CCDC83: variants seen among roughly 807,000 people sequenced by gnomAD.
CCDC83 encodes coiled-coil domain-containing protein 83.
In CCDC83, 54 loss-of-function variants were observed where a neutral mutation model predicts 50.1. The ratio of observed to expected loss-of-function variants is 1.08; its 90% CI spans 0.87 to 1.35. CCDC83 has a LOEUF of 1.35. CCDC83 is among the 40% of genes most tolerant of loss of function. The pLI is 0.00. For synonymous variants in CCDC83, 161 were observed against 153.3 expected (o/e 1.05, Z -0.37); for missense variants, 518 against 473.9 (o/e 1.09, Z -0.86).
intron 5 of CCDC83, among the ~76,000 whole-genome samples, chr11:85,892,173 CA>C (rs2093353372): frequency 6.6e-6 from 1 of 152,134 alleles, no homozygotes; most frequent in African/African-American, 2.4e-5. Flanking sequence ...TGGAACAGTG[CA>C]AAGCAAACTT....
intron 1 of CCDC83, among the ~76,000 whole-genome samples, chr11:85,856,337 G>C (rs886075849): frequency 2.0e-5 from 3 of 152,072 alleles, no homozygotes; most frequent in Non-Finnish European, 4.4e-5. Flanking sequence ...ACTGCTATTT[G>C]AAGGTAGAAA....
At chr11:85,882,475 GT>G (rs1485960507) in intron 3 of CCDC83, 37 bp from the exon 4 acceptor site, 2 of 1,606,418 alleles carry the variant, frequency 1.2e-6, no homozygotes, top group South Asian at 2.2e-5. Context: ...AGTGTACATA[GT>G]TGATCAAACG....
In CCDC83 at chr11:85,897,184, T is replaced by A. The variant is rs144488774; in HGVS notation, c.604-1763T>A. On this transcript the variant is annotated intron_variant, in intron 6 of 10. Transcript: ENST00000342404. ...AATTTCAAGCATATATCGTGAGGAC[T>A]ATTCTAAATATTCTTTCAAGCATTA... 5.1e-3 allele frequency among the ~76,000 whole-genome samples: 782 copies of A among 152,292 alleles called. 6 individuals are homozygous for A. Among genetic ancestry groups the A allele is most frequent in the African/African-American group, 0.018 (738 of 41,538 alleles).
chr11:85,912,920 A>G lies in CCDC83; in HGVS notation c.794+1518A>G, dbSNP rs2093461612. Among the ~76,000 whole-genome samples, 8 of 152,182 alleles carry G rather than the reference A, an allele frequency of 5.3e-5. No individual in the cohort carries two copies. The South Asian group carries it at 1.7e-3, about 32-fold the overall frequency. On this transcript the variant is annotated intron_variant, in intron 8 of 10. Coordinates refer to ENST00000342404, the MANE Select transcript of CCDC83 (RefSeq NM_001286159.2). ...ATGGTTGTAAAGTGCTAATAATTCT[A>G]AAAAAGGGAATTATTTCATTGGCCA...
At chr11:85,898,394 A>G (rs2093385096) in intron 6 of CCDC83, among the ~76,000 whole-genome samples, 1 of 152,356 alleles carries the variant, frequency 6.6e-6, no homozygotes, top group Admixed American at 6.5e-5. Flanking sequence ...AAATAAATTT[A>G]TATTTTATGA....
chr11:85,879,127 A>C (rs971901991), intron 3 of CCDC83, among the ~76,000 whole-genome samples: 1 of 152,202 alleles, frequency 6.6e-6, no homozygotes, highest in African/African-American at 2.4e-5. Flanking sequence ...AAAAGTTTTT[A>C]ATTTTAATGA....
chr11:85,912,757 C>T, intron 8 of CCDC83: 1 of 1,409,370 alleles, frequency 7.1e-7, no homozygotes, highest in Non-Finnish European at 1.0e-6. Flanking sequence ...TGGCTTCTAA[C>T]TACCTACTGC....
At chr11:85,886,157 T>C (rs372808277) in intron 4 of CCDC83, 43 bp from the exon 5 acceptor site, 143 of 1,465,228 alleles carry the variant, frequency 9.8e-5, no homozygotes, top group Non-Finnish European at 1.4e-5. Context: ...ATATAATGGT[T>C]ACAAGGAAAA....
intron 5 of CCDC83, among the ~76,000 whole-genome samples, chr11:85,890,288 C>T (rs759307839): frequency 1.1e-4 from 17 of 152,254 alleles, no homozygotes; most frequent in East Asian, 1.9e-4. Flanking sequence ...CCTGCACTCC[C>T]GAGTTTGTCA....
intron 7 of CCDC83, among the ~76,000 whole-genome samples, chr11:85,901,084 T>C (rs769146096): frequency 4.7e-5 from 7 of 149,642 alleles, no homozygotes; most frequent in Non-Finnish European, 1.0e-4. Context: ...AAAAAAATTC[T>C]GGCCAGACAC....
intron 3 of CCDC83, among the ~76,000 whole-genome samples, chr11:85,874,134 G>A (rs1419205328): frequency 6.6e-6 from 1 of 152,138 alleles, no homozygotes; most frequent in African/African-American, 2.4e-5. Flanking sequence ...TCCCCCATAG[G>A]GCTAATTTAT....
At chr11:85,882,492 T>G in intron 3 of CCDC83, 21 bp from the exon 4 acceptor site, 1 of 1,610,776 alleles carries the variant, frequency 6.2e-7, no homozygotes. Flanking sequence ...AAACGTGAAT[T>G]ACTGTTGATT....
intron 10 of CCDC83, among the ~76,000 whole-genome samples, chr11:85,919,104 G>C (rs1018028695): frequency 8.5e-5 from 13 of 152,160 alleles, no homozygotes; most frequent in African/African-American, 3.1e-4. Flanking sequence ...TTCCAGCCTT[G>C]CTGCCTGCTT....
At chr11:85,857,943 A>T (rs1592128779) in intron 1 of CCDC83, among the ~76,000 whole-genome samples, 3 of 152,340 alleles carry the variant, frequency 2.0e-5, no homozygotes, top group Middle Eastern at 3.4e-3. Flanking sequence ...CTGGCACTTT[A>T]AGCAGATGAA....
At chr11:85,873,368 T>C in intron 3 of CCDC83, 73 bp downstream of exon 3, 2 of 557,982 alleles carry the variant, frequency 3.6e-6, no homozygotes, top group Non-Finnish European at 3.1e-6. Context: ...TTGTGGATTA[T>C]GGTGAAATAT....
intron 3 of CCDC83, among the ~76,000 whole-genome samples, chr11:85,877,881 T>C (rs2093277534): frequency 1.3e-5 from 2 of 152,304 alleles, no homozygotes; most frequent in African/African-American, 2.4e-5. Context: ...GAAAAAGTAG[T>C]AGCAGAGCAA....
chr11:85,918,294 C>A (rs563304260), intron 10 of CCDC83, among the ~76,000 whole-genome samples: 1 of 152,244 alleles, frequency 6.6e-6, no homozygotes, highest in Admixed American at 6.5e-5. Flanking sequence ...AGAAAATCAA[C>A]AAGTACCATA....
chr11:85,868,791 C>T (rs567110360), intron 2 of CCDC83, among the ~76,000 whole-genome samples: 172 of 152,226 alleles, frequency 1.1e-3, no homozygotes, highest in Non-Finnish European at 2.4e-3. Flanking sequence ...GGATTACAGG[C>T]GTGAGCCACT....
chr11:85,909,402 C>G (rs2093441689), intron 7 of CCDC83, among the ~76,000 whole-genome samples: 1 of 152,100 alleles, frequency 6.6e-6, no homozygotes, highest in African/African-American at 2.4e-5. Flanking sequence ...TTATTCTCAC[C>G]AGCCTACCTC....
Sources: allele counts gnomAD v4.1 joint callset (sites outside exome capture counted in the v4.1 genomes callset), GRCh38; gene constraint gnomAD v4.1.1; transcripts MANE v1.5; gene names NCBI Gene and HGNC (gene_info 2026-07-23, HGNC 2026-07-21).